Variants in GAS2 observed in about 807,000 individuals in gnomAD.
The protein encoded by GAS2 is growth arrest specific 2.
GAS2 carries 20 observed loss-of-function variants against 37.5 expected under a neutral mutation model. The observed-to-expected ratio is 0.53, with a 90% CI of 0.37 to 0.77. The LOEUF (loss-of-function observed/expected upper bound fraction) is 0.77, where lower values mean the gene tolerates loss of function less well. GAS2 is among the 30% of genes least tolerant of loss of function. The pLI is 0.00. For synonymous variants in GAS2, 144 were observed against 132.2 expected (o/e 1.09, Z -0.61); for missense variants, 336 against 373.4 (o/e 0.90, Z 0.82).
chr11:22,717,853 C>A (rs1406276027), intron 3 of GAS2, among the ~76,000 whole-genome samples: 2 of 151,916 alleles, frequency 1.3e-5, no homozygotes, highest in Non-Finnish European at 2.9e-5. Context: ...TACAAATGGC[C>A]AACAAACATC....
intron 3 of GAS2, among the ~76,000 whole-genome samples, chr11:22,694,326 T>C (rs1044334872): frequency 6.6e-6 from 1 of 152,198 alleles, no homozygotes; most frequent in African/African-American, 2.4e-5. Context: ...ACTTTGCCTC[T>C]GGAAATTAAG....
At chr11:22,730,961 T>C (rs1469329230) in intron 4 of GAS2, among the ~76,000 whole-genome samples, 1 of 151,778 alleles carries the variant, frequency 6.6e-6, no homozygotes, top group African/African-American at 2.4e-5. Context: ...TGGGGCTAAG[T>C]TTTACAATTT....
At chr11:22,662,297 G>A (rs1339864885), upstream of GAS2, among the ~76,000 whole-genome samples, 1 of 152,294 alleles carries the variant, frequency 6.6e-6, no homozygotes, top group East Asian at 1.9e-4. Flanking sequence ...AATGCTGCTA[G>A]CTTGGGAGTG....
intron 3 of GAS2, among the ~76,000 whole-genome samples, chr11:22,719,688 T>G (rs1851855690): frequency 6.6e-6 from 1 of 152,144 alleles, no homozygotes; most frequent in African/African-American, 2.4e-5. Context: ...CTTTTCCAGA[T>G]TGTCATGTAG....
chr11:22,667,707 A>T (rs1033660490), intron 1 of GAS2, among the ~76,000 whole-genome samples: 2 of 152,186 alleles, frequency 1.3e-5, no homozygotes, highest in Admixed American at 1.3e-4. Flanking sequence ...AGAAGTTTCC[A>T]TTGTCTTGAA....
At chr11:22,725,017 T>C (rs1852130317) in intron 3 of GAS2, among the ~76,000 whole-genome samples, 1 of 152,050 alleles carries the variant, frequency 6.6e-6, no homozygotes, top group Non-Finnish European at 1.5e-5. Flanking sequence ...TTTTATAAAT[T>C]TAAATCACAA....
intron 2 of GAS2, among the ~76,000 whole-genome samples, chr11:22,679,039 T>G (rs1849558914): frequency 1.3e-5 from 2 of 152,166 alleles, no homozygotes; most frequent in South Asian, 4.1e-4. Flanking sequence ...AAGTGGTTAA[T>G]AGTAGCTGGG....
chr11:22,760,204 C>T (rs1256257308), intron 7 of GAS2, among the ~76,000 whole-genome samples: 1 of 151,002 alleles, frequency 6.6e-6, no homozygotes, highest in Non-Finnish European at 1.5e-5. Context: ...TGGCTTCAAA[C>T]TCTTGGCCTC....
rs1395215475 is a variant in GAS2 at position 22,767,695 on chromosome 11, C to A, written c.723+11742C>A. Among the ~76,000 whole-genome samples the A allele has an allele frequency of 2.6e-5, 4 of 152,098 alleles. No homozygotes were observed. The East Asian group carries it at 7.7e-4, about 29-fold the overall frequency. ...ATTGTCTATAGTTCTCCCATGGGTT[C>A]AAGTTGCATAAATAGGATGTAGCTG... On this transcript the variant is annotated intron_variant, in intron 7 of 7. Transcript: ENST00000454584.
At chr11:22,762,783 A>C (rs866363504) in intron 7 of GAS2, among the ~76,000 whole-genome samples, 1 of 152,180 alleles carries the variant, frequency 6.6e-6, no homozygotes, top group South Asian at 2.1e-4. Flanking sequence ...TATGTGGTCT[A>C]TCTCCTTAAT....
intron 1 of GAS2, among the ~76,000 whole-genome samples, chr11:22,655,550 A>C (rs1249722219): frequency 6.6e-6 from 1 of 152,272 alleles, no homozygotes; most frequent in African/African-American, 2.4e-5. Flanking sequence ...AAAAACAAAC[A>C]TCACTGCACT....
chr11:22,773,386 C>CTTTTTTTT (rs34014416), intron 7 of GAS2, among the ~76,000 whole-genome samples: 2 of 64,956 alleles, frequency 3.1e-5, no homozygotes, highest in African/African-American at 5.6e-5. Flanking sequence ...ACACCTCAAT[C>CTTTTTTTT]TTTTTTTTTT....
chr11:22,626,290 AT>A (rs1319906487), intron 1 of GAS2: 4 of 183,454 alleles, frequency 2.2e-5, no homozygotes, highest in Non-Finnish European at 3.6e-5. Context: ...CTGACCTCCT[AT>A]TAATGCCAGG....
At chr11:22,659,218 A>G (rs1443321404) in intron 1 of GAS2, among the ~76,000 whole-genome samples, 2 of 152,186 alleles carry the variant, frequency 1.3e-5, no homozygotes, top group African/African-American at 2.4e-5. Context: ...ATCTTTTACT[A>G]TTAGCTCTGA....
chr11:22,654,727 A>G (rs562166990), intron 1 of GAS2, among the ~76,000 whole-genome samples: 2 of 152,304 alleles, frequency 1.3e-5, no homozygotes, highest in Non-Finnish European at 2.9e-5. Flanking sequence ...GACATGCAAG[A>G]ACTCATAGGT....
intron 1 of GAS2, among the ~76,000 whole-genome samples, chr11:22,648,686 A>G (rs1337742842): frequency 6.6e-6 from 1 of 152,186 alleles, no homozygotes; most frequent in African/African-American, 2.4e-5. Flanking sequence ...CTTTGAAGCA[A>G]TTGTGAATGG....
Position 22,812,135 on chromosome 11 carries a change from A to G in GAS2, c.*119A>G. 1.4e-6 allele frequency: 1 copy of G among 700,104 alleles called. No homozygotes were observed. The highest frequency in any genetic ancestry group is 1.9e-5 in the South Asian group (1 of 53,752). The allele number at this position is 700,104 out of a possible 1,614,324, so 43.4% of individuals were successfully genotyped here. Reference sequence around the variant, plus strand: ...GGAGAAAGATAGACAGAAAAATGTCATCATATTGAAAAATGTTCAAAGAGT... The same window carrying G: ...GGAGAAAGATAGACAGAAAAATGTCGTCATATTGAAAAATGTTCAAAGAGT... On this transcript the variant is annotated 3_prime_UTR_variant, in exon 8 of 8. Transcript: ENST00000454584.
intron 7 of GAS2, among the ~76,000 whole-genome samples, chr11:22,784,641 T>C (rs769892400): frequency 2.6e-5 from 4 of 152,176 alleles, no homozygotes; most frequent in Non-Finnish European, 5.9e-5. Context: ...TCATAGGTTT[T>C]TTACCATCCT....
rs532324025 is a variant in GAS2 at position 22,648,418 on chromosome 11, G to A, written c.-21+22605G>A. 3.9e-3 allele frequency among the ~76,000 whole-genome samples: 597 copies of A among 152,232 alleles called. 3 individuals are homozygous for A. Among genetic ancestry groups the A allele is most frequent in the Middle Eastern group, 0.02 (6 of 294 alleles). ...ACTTGGTGATGCGGGCTCTTTTTTG[G>A]TTCCATATGAACTTTAAAGTAGTTT... On this transcript the variant is annotated intron_variant, in intron 1 of 5. Transcript: ENST00000528582.
Sources: allele counts gnomAD v4.1 joint callset (sites outside exome capture counted in the v4.1 genomes callset), GRCh38; gene constraint gnomAD v4.1.1; transcripts MANE v1.5; gene names NCBI Gene and HGNC (gene_info 2026-07-23, HGNC 2026-07-21).